Variants in CNTN6 observed in about 807,000 individuals in gnomAD.
CNTN6 encodes the protein contactin-6.
A neutral mutation model predicts 122.8 loss-of-function variants in CNTN6; 137 were observed. The ratio of observed to expected loss-of-function variants is 1.12; its 90% CI spans 0.97 to 1.29. CNTN6 has a LOEUF of 1.29. CNTN6 is among the 50% of genes most tolerant of loss of function. The pLI is 0.00. For synonymous variants in CNTN6, 570 were observed against 426.0 expected (o/e 1.34, Z -4.16); for missense variants, 1,634 against 1,223.4 (o/e 1.34, Z -5.01).
intron 1 of CNTN6, among the ~76,000 whole-genome samples, chr3:1,102,925 G>A (rs1181594046): frequency 2.7e-5 from 4 of 150,668 alleles, no homozygotes; most frequent in Admixed American, 2.0e-4. Context: ...GGCTAACACG[G>A]TGAAACCCCG....
At chr3:1,366,455 G>T (rs1196168018) in intron 12 of CNTN6, among the ~76,000 whole-genome samples, 1 of 152,130 alleles carries the variant, frequency 6.6e-6, no homozygotes, top group Non-Finnish European at 1.5e-5. Context: ...CTTAGGAAGT[G>T]AGTAGAATAT....
chr3:1,275,151 A>T (rs17037031), intron 4 of CNTN6, among the ~76,000 whole-genome samples: 8,297 of 152,124 alleles, frequency 0.055, 224 homozygotes, highest in African/African-American at 0.07. Context: ...CAAGGACCTT[A>T]TTTTATCTGT....
intron 9 of CNTN6, among the ~76,000 whole-genome samples, chr3:1,326,249 A>G (rs1701524954): frequency 2.0e-5 from 3 of 151,982 alleles, no homozygotes; most frequent in South Asian, 4.1e-4. Context: ...CACGGATAAC[A>G]CTTACTGAAC....
At chr3:1,099,147 CATTCTT>C (rs995047285) in intron 1 of CNTN6, among the ~76,000 whole-genome samples, 84 of 152,144 alleles carry the variant, frequency 5.5e-4, no homozygotes, top group African/African-American at 1.9e-3. Context: ...TATTTAGACT[CATTCTT>C]ATAAATAAAC....
chr3:1,390,779 T>A (rs1694018532), intron 20 of CNTN6, among the ~76,000 whole-genome samples: 1 of 151,382 alleles, frequency 6.6e-6, no homozygotes, highest in Non-Finnish European at 1.5e-5. Context: ...TACAAACACC[T>A]CTATGCAAAG....
chr3:1,366,759 A>T (rs1708292134), intron 12 of CNTN6, among the ~76,000 whole-genome samples: 1 of 152,128 alleles, frequency 6.6e-6, no homozygotes, highest in African/African-American at 2.4e-5. Flanking sequence ...TCTGCACAGG[A>T]TGAGGACAGG....
At chr3:1,260,349 A>C (rs905504210) in intron 4 of CNTN6, among the ~76,000 whole-genome samples, 4 of 152,126 alleles carry the variant, frequency 2.6e-5, no homozygotes, top group African/African-American at 9.7e-5. Flanking sequence ...ACTATGCAAC[A>C]TAACACCTCT....
intron 11 of CNTN6, among the ~76,000 whole-genome samples, chr3:1,344,401 G>A (rs1704352277): frequency 6.6e-6 from 1 of 152,126 alleles, no homozygotes; most frequent in South Asian, 2.1e-4. Context: ...GAAAGAAAAA[G>A]GGATTAATTT....
intron 20 of CNTN6, among the ~76,000 whole-genome samples, chr3:1,386,066 C>A (rs996807594): frequency 2.6e-5 from 4 of 152,168 alleles, no homozygotes; most frequent in Admixed American, 2.0e-4. Context: ...GGCCCTGACG[C>A]CCTCCTTCTA....
chr3:1,340,440 G>T (rs867520226), intron 11 of CNTN6, among the ~76,000 whole-genome samples: 33 of 152,156 alleles, frequency 2.2e-4, no homozygotes, highest in Non-Finnish European at 3.4e-4. Context: ...TCTTTCAGTG[G>T]CACAGCATCG....
intron 5 of CNTN6, among the ~76,000 whole-genome samples, chr3:1,286,845 A>G (rs1190744732): frequency 1.3e-5 from 2 of 152,212 alleles, no homozygotes; most frequent in African/African-American, 4.8e-5. Context: ...GCAAAGACAC[A>G]CATAGGCTCA....
chr3:1,349,766 A>G (rs1440725724), intron 11 of CNTN6, among the ~76,000 whole-genome samples: 5 of 151,868 alleles, frequency 3.3e-5, no homozygotes, highest in Non-Finnish European at 5.9e-5. Context: ...TAAAATTAAG[A>G]CAATGATCAG....
chr3:1,301,737 G>A (rs1697462642), intron 7 of CNTN6, among the ~76,000 whole-genome samples: 1 of 151,698 alleles, frequency 6.6e-6, no homozygotes, highest in Admixed American at 6.5e-5. Flanking sequence ...CAAAGCGGTA[G>A]CGTTAAGATG....
intron 7 of CNTN6, among the ~76,000 whole-genome samples, chr3:1,305,131 C>T (rs766637436): frequency 2.0e-5 from 3 of 151,904 alleles, no homozygotes; most frequent in Non-Finnish European, 2.9e-5. Context: ...TGGCAATGTA[C>T]ACCATTTCTA....
chr3:1,164,503 T>C (rs1009746090), intron 2 of CNTN6, among the ~76,000 whole-genome samples: 1 of 152,232 alleles, frequency 6.6e-6, no homozygotes, highest in Non-Finnish European at 1.5e-5. Flanking sequence ...CTAGTATCTG[T>C]ACAGTTCAAA....
intron 2 of CNTN6, among the ~76,000 whole-genome samples, chr3:1,150,247 G>C (rs1423248064): frequency 1.3e-5 from 2 of 152,184 alleles, no homozygotes; most frequent in African/African-American, 4.8e-5. Flanking sequence ...TGATGATAGA[G>C]TTCTGTGACT....
chr3:1,304,632 A>G (rs1303501556), intron 7 of CNTN6, among the ~76,000 whole-genome samples: 1 of 152,184 alleles, frequency 6.6e-6, no homozygotes, highest in Non-Finnish European at 1.5e-5. Flanking sequence ...TTATAGATAT[A>G]TTTCCCATTT....
chr3:1,380,101 G>A (rs1199113091), intron 17 of CNTN6, among the ~76,000 whole-genome samples: 1 of 152,174 alleles, frequency 6.6e-6, no homozygotes, highest in Non-Finnish European at 1.5e-5. Flanking sequence ...AAAGTGACTT[G>A]GAAGTAGAGA....
chr3:1,300,062 T>C (rs1006473535), intron 7 of CNTN6, among the ~76,000 whole-genome samples: 37 of 152,026 alleles, frequency 2.4e-4, no homozygotes, highest in Non-Finnish European at 4.3e-4. Flanking sequence ...CTGCAAGCTC[T>C]GCCACCCGGG....
Sources: allele counts gnomAD v4.1 joint callset (sites outside exome capture counted in the v4.1 genomes callset), GRCh38; gene constraint gnomAD v4.1.1; transcripts MANE v1.5; gene names NCBI Gene and HGNC (gene_info 2026-07-23, HGNC 2026-07-21).